The following TGIF2 variants were observed in gnomAD, a reference collection of about 807,000 sequenced individuals.
The protein encoded by TGIF2 is TGFB induced factor homeobox 2, also known as homeobox protein TGIF2.
Under a neutral mutation model 15.1 loss-of-function variants are expected in TGIF2, and 5 were observed. The ratio of observed to expected loss-of-function variants is 0.33; its 90% CI spans 0.17 to 0.70. The LOEUF (loss-of-function observed/expected upper bound fraction) is 0.70, where lower values mean the gene tolerates loss of function less well. Ranked by LOEUF, TGIF2 falls within the 30% of genes least tolerant of loss-of-function variation. The pLI is 0.67. For synonymous variants in TGIF2, 131 were observed against 128.9 expected (o/e 1.02, Z -0.11); for missense variants, 264 against 302.5 (o/e 0.87, Z 0.94).
chr20:36,578,872 T>G lies in TGIF2; in HGVS notation c.98T>G (p.Leu33Arg). 1 of 1,614,138 alleles carries G rather than the reference T, an allele frequency of 6.2e-7. No individual in the cohort carries two copies. Among genetic ancestry groups the G allele is most frequent in the South Asian group, 1.1e-5 (1 of 91,080 alleles). Reference protein sequence around the residue: ...GNLPKESVKILRDWLYLHRYN... With the variant: ...GNLPKESVKIRRDWLYLHRYN... ...CTGCCCAAGGAGTCGGTGAAGATCC[T>G]CCGGGACTGGCTGTACTTGCACCGC... Residue 33 changes from leucine (L) to arginine (R), a missense_variant, in exon 2 of 3, where the codon CTC becomes CGC. Coordinates refer to ENST00000373872, the MANE Select transcript of TGIF2 (RefSeq NM_021809.7).
intron 2 of TGIF2, among the ~76,000 whole-genome samples, chr20:36,589,258 G>A (rs1305436686): frequency 1.3e-5 from 2 of 152,258 alleles, no homozygotes; most frequent in African/African-American, 4.8e-5. Context: ...GCTCCACAGG[G>A]TGGAGTGCAT....
intron 2 of TGIF2, among the ~76,000 whole-genome samples, chr20:36,590,208 C>T (rs1181097051): frequency 1.3e-5 from 2 of 152,146 alleles, no homozygotes; most frequent in Non-Finnish European, 2.9e-5. Flanking sequence ...CTGCCCACCT[C>T]GGCCTCCCAA....
chr20:36,591,484 T>A lies in TGIF2; in HGVS notation c.*53T>A. The A allele has an allele frequency of 1.3e-6, 2 of 1,534,842 alleles. No homozygotes were observed. Among genetic ancestry groups the A allele is most frequent in the Non-Finnish European group, 1.8e-6 (2 of 1,140,070 alleles). On this transcript the variant is annotated 3_prime_UTR_variant, in exon 3 of 3. Transcript: ENST00000373872. This position sits in a 1 kb window ranked among gnomAD's most constrained non-coding sequence, Gnocchi z 5.3. ...TCCAGCCAGCTGTCCTGGGTTTCCG[T>A]TTTGGTTCCCTTTCATACAGAGGGT... is the stretch of plus-strand genomic sequence containing the variant.
At chr20:36,588,080 A>AG (rs2038695219) in intron 2 of TGIF2, among the ~76,000 whole-genome samples, 1 of 151,866 alleles carries the variant, frequency 6.6e-6, no homozygotes, top group South Asian at 2.1e-4. Flanking sequence ...TAAAAAAAAA[A>AG]AAAAAAAGCA....
At chr20:36,581,854 C>G (rs2038552313) in intron 2 of TGIF2, among the ~76,000 whole-genome samples, 1 of 152,136 alleles carries the variant, frequency 6.6e-6, no homozygotes, top group Admixed American at 6.5e-5. Flanking sequence ...GTCTTGTACT[C>G]CTGGCCTCAA....
intron 1 of TGIF2, among the ~76,000 whole-genome samples, chr20:36,574,364 G>A (rs1306412071): frequency 7.0e-6 from 1 of 142,070 alleles, no homozygotes; most frequent in African/African-American, 2.6e-5. Context: ...GGCCGAAGGT[G>A]ATCCAAGCCT....
intron 1 of TGIF2, among the ~76,000 whole-genome samples, chr20:36,576,653 T>G (rs1437158818): frequency 3.3e-5 from 5 of 152,126 alleles, no homozygotes; most frequent in African/African-American, 1.2e-4. Flanking sequence ...TAAAGTATAC[T>G]CATCAGCAGG....
chr20:36,585,235 C>T (rs1403840640), intron 2 of TGIF2, among the ~76,000 whole-genome samples: 1 of 151,800 alleles, frequency 6.6e-6, no homozygotes, highest in East Asian at 1.9e-4. Flanking sequence ...CAGTGTCTCA[C>T]GCCTGTAATC....
chr20:36,575,450 C>G (rs2038408520), intron 1 of TGIF2, among the ~76,000 whole-genome samples: 2 of 152,182 alleles, frequency 1.3e-5, no homozygotes, highest in Admixed American at 1.3e-4. Flanking sequence ...ACCTTGAGTA[C>G]TTCTCACAGC....
chr20:36,584,573 G>A (rs929620582), intron 2 of TGIF2, among the ~76,000 whole-genome samples: 1 of 151,096 alleles, frequency 6.6e-6, no homozygotes, highest in Non-Finnish European at 1.5e-5. Flanking sequence ...TTTTGAGACG[G>A]AGTCACTCTG....
At chr20:36,580,360 G>A (rs1281780420) in intron 2 of TGIF2, among the ~76,000 whole-genome samples, 1 of 152,178 alleles carries the variant, frequency 6.6e-6, no homozygotes, top group Non-Finnish European at 1.5e-5. Context: ...TAAAGTTACA[G>A]ATCCTGACTC....
chr20:36,590,901 T>C lies in TGIF2; in HGVS notation c.193-9T>C. On this transcript the variant is annotated splice_polypyrimidine_tract_variant and intron_variant, in intron 2 of 2. Coordinates refer to ENST00000373872, the MANE Select transcript of TGIF2 (RefSeq NM_021809.7). ...AAGCAAATTGATCGGTCTTGTATAT[T>C]CATTCCAGATATGTAACTGGTTCAT... 1 of 1,513,990 alleles carries C rather than the reference T, an allele frequency of 6.6e-7. No homozygotes were observed. The highest frequency in any genetic ancestry group is 8.9e-7 in the Non-Finnish European group (1 of 1,129,546). The allele number at this position is 1,513,990 out of a possible 1,614,324, so 93.8% of individuals were successfully genotyped here. A position where few individuals can be genotyped will look rare whatever the true frequency, so the allele number is the denominator to read the frequency against.
At chr20:36,585,455 ACT>A (rs2038636540) in intron 2 of TGIF2, among the ~76,000 whole-genome samples, 1 of 142,570 alleles carries the variant, frequency 7.0e-6, no homozygotes, top group Non-Finnish European at 1.5e-5. Context: ...ACAGAACGGG[ACT>A]CTGTCTTTAA....
chr20:36,573,474 C>G (rs2038340646), upstream of TGIF2: 1 of 150,876 alleles, frequency 6.6e-6, no homozygotes, highest in Non-Finnish European at 1.5e-5. Flanking sequence ...CCCTCGGCGC[C>G]GACGGCCCGC....
Position 36,591,341 on chromosome 20 carries a change from G to T in TGIF2, c.624G>T (p.Arg208Ser). The T allele has an allele frequency of 6.2e-7, 1 of 1,614,140 alleles. No homozygotes were observed. The highest frequency in any genetic ancestry group is 8.5e-7 in the Non-Finnish European group (1 of 1,180,030). Reference protein sequence around the residue: ...FQLLVEVALQRAAEMELQKQQ... With the variant: ...FQLLVEVALQSAAEMELQKQQ... ...TGCTGGTGGAGGTGGCGCTACAGAG[G>T]GCTGCTGAGATGGAGCTTCAGAAGC... Residue 208 changes from arginine to serine, a missense_variant, in exon 3 of 3, where the codon AGG (arginine) becomes AGT (serine). By Grantham distance (110) the Arg-to-Ser change is moderately radical (BLOSUM62 -1). Transcript: ENST00000373872. This position sits in a 1 kb window ranked among gnomAD's most constrained non-coding sequence, Gnocchi z 5.3.
chr20:36,576,557 G>A (rs562273984), intron 1 of TGIF2, among the ~76,000 whole-genome samples: 9 of 152,140 alleles, frequency 5.9e-5, no homozygotes, highest in South Asian at 2.1e-4. Context: ...GTCCAAATCC[G>A]ACTTCACTAT....
In TGIF2 at chr20:36,591,037, G is replaced by A. The variant is rs199621279; in HGVS notation, c.320G>A (p.Arg107His). The stretch of plus-strand genomic sequence containing the variant: ...AAGGCCTCAGATGTGGCCCTCCCCC[G>A]TGGCAGCAGCCCCTCAGTGCTGGCT... ...GGKASDVALP[R>H]GSSPSVLAVS... The change falls in exon 3 of 3, where the codon CGT (arginine) becomes CAT (histidine). Residue 107 changes from arginine to histidine, a missense_variant. Arg to His is a conservative substitution (Grantham distance 29). Transcript: ENST00000373872. This position sits in a 1 kb window ranked among gnomAD's most constrained non-coding sequence, Gnocchi z 5.3. 1,128 of 1,601,056 alleles carry A rather than the reference G, an allele frequency of 7.0e-4. 1 individual carries two copies. The highest frequency in any genetic ancestry group is 7.6e-4 in the East Asian group (34 of 44,490).
At chr20:36,575,395 T>C (rs974324770) in intron 1 of TGIF2, among the ~76,000 whole-genome samples, 5 of 152,134 alleles carry the variant, frequency 3.3e-5, no homozygotes, top group African/African-American at 1.2e-4. Flanking sequence ...CGGGGAACCC[T>C]GCAGACAGAC....
rs1449797772 is a variant in TGIF2 at position 36,583,477 on chromosome 20, A to T, written c.192+4511A>T. ...TATCTCTAAAAAGAAAAAAAAAAAA[A>T]AGGCTGGGCACTGTGGCTTATGCCT... On this transcript the variant is annotated intron_variant, in intron 2 of 2. Transcript: ENST00000373872. 2.7e-5 allele frequency among the ~76,000 whole-genome samples: 4 copies of T among 150,940 alleles called. No homozygotes were observed. The East Asian group carries it at 7.9e-4, about 30-fold the overall frequency.
Sources: gnomAD v4.1 joint callset for allele counts (sites outside exome capture counted in the v4.1 genomes callset) on GRCh38, gnomAD v4.1.1 for gene constraint, Gnocchi (gnomAD v3.1) non-coding constraint, MANE v1.5 for transcripts, NCBI Gene and HGNC (gene_info 2026-07-23, HGNC 2026-07-21) for gene names.